The following TTLL5 variants were observed in gnomAD, a reference collection of about 807,000 sequenced individuals.
The protein encoded by TTLL5 is tubulin polyglutamylase TTLL5.
A neutral mutation model predicts 168.4 loss-of-function variants in TTLL5; 132 were observed. That is an observed-to-expected ratio of 0.78 (90% confidence interval 0.68 to 0.91). TTLL5 has a LOEUF of 0.91. Among genes scored for constraint, TTLL5 ranks in the 40% least tolerant of loss-of-function variants. TTLL5 has a pLI of 0.00. For missense variants in TTLL5, 1,545 were observed against 1,581.5 expected (o/e 0.98, Z 0.39); for synonymous variants, 546 against 558.6 (o/e 0.98, Z 0.32).
At chr14:75,770,636 G>A (rs1281220956) in intron 20 of TTLL5, among the ~76,000 whole-genome samples, 1 of 152,228 alleles carries the variant, frequency 6.6e-6, no homozygotes, top group Non-Finnish European at 1.5e-5. Context: ...AAAATCATCA[G>A]TGTCTCTCTG....
chr14:75,951,347 G>A lies in TTLL5; in HGVS notation c.3824-3077G>A, dbSNP rs115380809. Among the ~76,000 whole-genome samples the A allele has an allele frequency of 5.3e-3, 804 of 152,106 alleles. 2 individuals are homozygous for A. Among genetic ancestry groups the A allele is most frequent in the African/African-American group, 0.017 (698 of 41,500 alleles). ...TTGGGTGACAGAGCAAGACAGTCTCGAAAATAAATAAATACATAACCTTTT... is the reference window on the plus strand; with the variant it reads ...TTGGGTGACAGAGCAAGACAGTCTCAAAAATAAATAAATACATAACCTTTT... On this transcript the variant is annotated intron_variant, in intron 31 of 31. Transcript: ENST00000298832.
chr14:75,681,700 A>G lies in TTLL5; in HGVS notation c.264+73A>G, dbSNP rs1884623113. On this transcript the variant is annotated intron_variant, in intron 4 of 31. Transcript: ENST00000298832. ...TCCCAGCCACCTAACTGACTTTACCAGTTAACAGGGCCAGCTCCAGGAAGT... is the reference window on the plus strand; with the variant it reads ...TCCCAGCCACCTAACTGACTTTACCGGTTAACAGGGCCAGCTCCAGGAAGT... The G allele has an allele frequency of 3.0e-6, 4 of 1,318,616 alleles. No individual in the cohort carries two copies. In the Admixed American group the frequency reaches 5.1e-5, roughly 17 times the overall value. The allele number at this position is 1,318,616 out of a possible 1,614,324, so 81.7% of individuals were successfully genotyped here. A position where few individuals can be genotyped will look rare whatever the true frequency, so the allele number is the denominator to read the frequency against.
At chr14:75,925,865 A>G (rs1388296929) in intron 31 of TTLL5, among the ~76,000 whole-genome samples, 2 of 152,044 alleles carry the variant, frequency 1.3e-5, no homozygotes, top group African/African-American at 4.8e-5. Context: ...CCCGGCCAAC[A>G]CAGCGAAACC....
intron 21 of TTLL5, among the ~76,000 whole-genome samples, 157 bp downstream of exon 21, chr14:75,772,011 CA>C (rs1285280280): frequency 6.6e-6 from 1 of 150,846 alleles, no homozygotes; most frequent in East Asian, 2.0e-4. Context: ...TCTATACTTA[CA>C]AGATTTATAT....
intron 7 of TTLL5, among the ~76,000 whole-genome samples, chr14:75,703,183 T>C (rs1478827214): frequency 1.3e-5 from 2 of 152,124 alleles, no homozygotes; most frequent in Non-Finnish European, 2.9e-5. Flanking sequence ...GCAGAACTAA[T>C]GTGAGTGAGT....
chr14:75,779,516 G>GT, intron 23 of TTLL5, 59 bp from the exon 24 acceptor site: 1 of 1,581,044 alleles, frequency 6.3e-7, no homozygotes, highest in Non-Finnish European at 8.5e-7. Context: ...AATAAAATCT[G>GT]GTGGAAAGAT....
intron 29 of TTLL5, among the ~76,000 whole-genome samples, chr14:75,875,048 C>T (rs2031370022): frequency 6.7e-6 from 1 of 149,266 alleles, no homozygotes; most frequent in Non-Finnish European, 1.5e-5. Flanking sequence ...ATTCTCCTGC[C>T]TCATCCTCCC....
rs868572764 is a variant in TTLL5 at position 75,944,455 on chromosome 14, G to A, written c.3824-9969G>A. ...CTGGATCCCACTTTCACCAACCCACGGAGCCTCCCTGCCCTGACAGCTAGC... is the reference window on the plus strand; with the variant it reads ...CTGGATCCCACTTTCACCAACCCACAGAGCCTCCCTGCCCTGACAGCTAGC... On this transcript the variant is annotated intron_variant, in intron 31 of 31. Transcript: ENST00000298832. Among the ~76,000 whole-genome samples, 11 of 152,170 alleles carry A rather than the reference G, an allele frequency of 7.2e-5. 1 individual carries two copies. The Middle Eastern group carries it at 0.017, about 237-fold the overall frequency.
At chr14:75,739,065 C>T (rs917578899) in intron 15 of TTLL5, among the ~76,000 whole-genome samples, 2 of 152,152 alleles carry the variant, frequency 1.3e-5, no homozygotes, top group African/African-American at 4.8e-5. Flanking sequence ...CCTCGGCCCT[C>T]CCAAAGTGCT....
chr14:75,786,052 C>T (rs1398600485), intron 26 of TTLL5, among the ~76,000 whole-genome samples: 1 of 152,166 alleles, frequency 6.6e-6, no homozygotes, highest in African/African-American at 2.4e-5. Context: ...GTCTATATTT[C>T]TTAATACCTG....
intron 26 of TTLL5, among the ~76,000 whole-genome samples, chr14:75,788,005 A>T (rs1183998898): frequency 2.0e-5 from 3 of 152,172 alleles, no homozygotes; most frequent in Non-Finnish European, 4.4e-5. Context: ...ACTGGCTTAA[A>T]TAATTATAGT....
At chr14:75,939,349 A>T (rs183775253) in intron 31 of TTLL5, among the ~76,000 whole-genome samples, 12 of 152,372 alleles carry the variant, frequency 7.9e-5, no homozygotes, top group African/African-American at 2.9e-4. Flanking sequence ...AAAAAGTTTG[A>T]AAGTCACTGT....
chr14:75,796,856 A>G lies in TTLL5; in HGVS notation c.3171+3756A>G, dbSNP rs184552740. Among the ~76,000 whole-genome samples the G allele has an allele frequency of 2.6e-3, 394 of 152,184 alleles. 3 individuals are homozygous for G. The highest frequency in any genetic ancestry group is 9.1e-3 in the African/African-American group (378 of 41,546). On this transcript the variant is annotated intron_variant, in intron 27 of 31. Coordinates refer to ENST00000298832, the MANE Select transcript of TTLL5 (RefSeq NM_015072.5). ...TTTTAGTATAGTTTGAATTTGGGTA[A>G]TGTGATGCCTCTAGATTTGTTCTTT...
In TTLL5 at chr14:75,775,620, T is replaced by C. The variant is rs780207138; in HGVS notation, c.2273T>C (p.Val758Ala). 6.2e-7 allele frequency: 1 copy of C among 1,614,084 alleles called. No homozygotes were observed. The highest frequency in any genetic ancestry group is 1.1e-5 in the South Asian group (1 of 91,076). ...CACCAGCTGGGTGACTTTATCATTG[T>C]ATACAACAAGGTAAGTCTTTTTCTG... Reference protein sequence around the residue: ...LAHQLGDFIIVYNKETEQMAE... With the variant: ...LAHQLGDFIIAYNKETEQMAE... The change falls in exon 22 of 32, where the codon GTA (valine) becomes GCA (alanine). Residue 758 changes from valine to alanine, a missense_variant. Transcript: ENST00000298832.
At chr14:75,874,284 G>A (rs2031281164) in intron 29 of TTLL5, among the ~76,000 whole-genome samples, 1 of 152,036 alleles carries the variant, frequency 6.6e-6, no homozygotes, top group Admixed American at 6.6e-5. Context: ...AGTAGAGGCG[G>A]GGTTTCAACA....
intron 3 of TTLL5, among the ~76,000 whole-genome samples, chr14:75,673,609 G>A (rs1046203459): frequency 2.2e-4 from 34 of 152,240 alleles, no homozygotes; most frequent in African/African-American, 7.0e-4. Context: ...AAAATGGAGA[G>A]AATATGATAT....
rs765493292 is a variant in TTLL5 at position 75,783,304 on chromosome 14, A to T, written c.2760A>T (p.Gln920His). The change falls in exon 26 of 32, where the codon CAA becomes CAT. Residue 920 changes from glutamine to histidine, a missense_variant. Gln to His is a conservative substitution (Grantham distance 24). Transcript: ENST00000298832. ...CTTGCCACCATTCTTCTTTATCTCA[A>T]ATTCCTTCAGCTATCCCCAGCATGC... ...PGPCHHSSLS[Q>H]IPSAIPSMPH... is the part of the protein sequence containing the mutation. 2.8e-5 allele frequency: 45 copies of T among 1,613,998 alleles called. 1 individual carries two copies. The highest frequency in any genetic ancestry group is 3.6e-5 in the Non-Finnish European group (42 of 1,179,982).
intron 31 of TTLL5, chr14:75,906,613 T>C (rs552044895): frequency 1.0e-5 from 10 of 985,816 alleles, no homozygotes; most frequent in Non-Finnish European, 1.2e-5. Context: ...CCACACAATC[T>C]GAAGCCCTTG....
chr14:75,666,520 G>A (rs1594835457), intron 2 of TTLL5, among the ~76,000 whole-genome samples: 1 of 152,202 alleles, frequency 6.6e-6, no homozygotes, highest in South Asian at 2.1e-4. Flanking sequence ...GTAAAAGGCT[G>A]GCTTTATATC....
Sources: allele counts gnomAD v4.1 joint callset (sites outside exome capture counted in the v4.1 genomes callset), GRCh38; gene constraint gnomAD v4.1.1; transcripts MANE v1.5; gene names NCBI Gene and HGNC (gene_info 2026-07-23, HGNC 2026-07-21).